The following GFOD1 variants were observed in gnomAD, a reference collection of about 807,000 sequenced individuals.
GFOD1 encodes the protein glucose-fructose oxidoreductase domain-containing protein 1.
Under a neutral mutation model 25.4 loss-of-function variants are expected in GFOD1, and 9 were observed. That is an observed-to-expected ratio of 0.35 (90% confidence interval 0.21 to 0.62). The LOEUF (loss-of-function observed/expected upper bound fraction) is 0.62, where lower values mean the gene tolerates loss of function less well. GFOD1 is among the 20% of genes least tolerant of loss of function. The probability of loss-of-function intolerance (pLI) is 0.72; values close to 1 mark genes in which losing one functional copy is unlikely to be tolerated. For missense variants in GFOD1, 403 were observed against 556.9 expected (o/e 0.72, Z 2.78); for synonymous variants, 253 against 245.6 (o/e 1.03, Z -0.28).
chr6:13,403,946 G>T (rs1785897436), intron 1 of GFOD1, among the ~76,000 whole-genome samples: 1 of 152,176 alleles, frequency 6.6e-6, no homozygotes, highest in Admixed American at 6.5e-5. Context: ...TGATTATGGA[G>T]ATGGTTGTAC....
chr6:13,395,203 T>C (rs1785703711), intron 1 of GFOD1, among the ~76,000 whole-genome samples: 1 of 152,322 alleles, frequency 6.6e-6, no homozygotes, highest in Non-Finnish European at 1.5e-5. Context: ...TTAAAATTTG[T>C]ATTTAAAAAT....
chr6:13,406,342 G>A lies in GFOD1; in HGVS notation c.254-40680C>T, dbSNP rs1584632773. 2.0e-5 allele frequency among the ~76,000 whole-genome samples: 3 copies of A among 152,312 alleles called. No homozygotes were observed. The South Asian group carries it at 6.2e-4, about 32-fold the overall frequency. ...TGTTTGTTTACCACATTACATAAGA[G>A]CTTTCTGTAGCACCCCTCCTCCCCT... is the stretch of plus-strand genomic sequence containing the variant. On this transcript the variant is annotated intron_variant, in intron 1 of 1. Coordinates refer to ENST00000379287, the MANE Select transcript of GFOD1 (RefSeq NM_018988.4).
chr6:13,447,242 T>C (rs1339495247), intron 1 of GFOD1, among the ~76,000 whole-genome samples: 1 of 152,190 alleles, frequency 6.6e-6, no homozygotes, highest in African/African-American at 2.4e-5. Context: ...GCTCCAGGCC[T>C]CTCTCCTATC....
Position 13,409,150 on chromosome 6 carries a change from A to G in GFOD1, c.254-43488T>C, listed in dbSNP as rs1406569964. On this transcript the variant is annotated intron_variant, in intron 1 of 1. Transcript: ENST00000379287. ...GAAAGAAAGAAAGAAAGAAAGAAAG[A>G]GAGGAAAGAAAGAAAGGAAAGAGAG... Among the ~76,000 whole-genome samples the G allele has an allele frequency of 1.3e-4, 2 of 15,612 alleles. 1 individual carries two copies. The highest frequency in any genetic ancestry group is 2.0e-4 in the African/African-American group (2 of 9,800). The allele number at this position is 15,612 out of a possible 152,430, so 10.2% of individuals were successfully genotyped here.
At chr6:13,483,731 C>T (rs1315955541) in intron 1 of GFOD1, among the ~76,000 whole-genome samples, 1 of 152,110 alleles carries the variant, frequency 6.6e-6, no homozygotes, top group Admixed American at 6.5e-5. Flanking sequence ...CTGCCATGAT[C>T]TATGGCAGAG....
intron 1 of GFOD1, among the ~76,000 whole-genome samples, chr6:13,381,560 G>C (rs1400547690): frequency 6.6e-6 from 1 of 152,186 alleles, no homozygotes. Context: ...GGTTCTGCAT[G>C]GACACAGTGC....
Position 13,402,320 on chromosome 6 carries a change from T to C in GFOD1, c.254-36658A>G, listed in dbSNP as rs574868940. 3.3e-5 allele frequency among the ~76,000 whole-genome samples: 5 copies of C among 152,364 alleles called. No individual in the cohort carries two copies. The South Asian group carries it at 1.0e-3, about 32-fold the overall frequency. On this transcript the variant is annotated intron_variant, in intron 1 of 1. Coordinates refer to ENST00000379287, the MANE Select transcript of GFOD1 (RefSeq NM_018988.4). ...TATAATACCAAAAGACAAGTGACTATATATAACATATATAACTTGAACTTC... is the reference window on the plus strand; with the variant it reads ...TATAATACCAAAAGACAAGTGACTACATATAACATATATAACTTGAACTTC...
intron 1 of GFOD1, among the ~76,000 whole-genome samples, chr6:13,448,119 G>A (rs1758036736): frequency 6.6e-6 from 1 of 152,204 alleles, no homozygotes; most frequent in Admixed American, 6.5e-5. Context: ...AGAAAGGAGT[G>A]GAGCAAGCTG....
At chr6:13,447,425 A>G (rs961947908) in intron 1 of GFOD1, among the ~76,000 whole-genome samples, 1 of 152,152 alleles carries the variant, frequency 6.6e-6, no homozygotes, top group Non-Finnish European at 1.5e-5. Context: ...TACCTTTAAG[A>G]TATTAAAATA....
rs368165517 is a variant in GFOD1, at chr6:13,476,630, C to G, written c.253+10008G>C. ...ATTTTTTTAAAAAGTAGTGTTAAAA[C>G]TGCAAACCAACTTCATTGGAGCTTT... is the stretch of plus-strand genomic sequence containing the variant. On this transcript the variant is annotated intron_variant, in intron 1 of 1. Transcript: ENST00000379287. 2.0e-5 allele frequency among the ~76,000 whole-genome samples: 3 copies of G among 152,264 alleles called. No homozygotes were observed. The South Asian group carries it at 6.2e-4, about 32-fold the overall frequency.
At chr6:13,412,991 G>C (rs1202245968) in intron 1 of GFOD1, among the ~76,000 whole-genome samples, 5 of 152,350 alleles carry the variant, frequency 3.3e-5, no homozygotes. Flanking sequence ...GGCAGGTACT[G>C]TATACATGAG....
At chr6:13,484,513 A>C (rs1281306140) in intron 1 of GFOD1, among the ~76,000 whole-genome samples, 1 of 152,218 alleles carries the variant, frequency 6.6e-6, no homozygotes. Flanking sequence ...AAGAAGAAAG[A>C]AGCTCAAAAC....
At chr6:13,457,549 G>A (rs1185450115) in intron 1 of GFOD1, among the ~76,000 whole-genome samples, 1 of 152,172 alleles carries the variant, frequency 6.6e-6, no homozygotes, top group East Asian at 1.9e-4. Context: ...ATGGAGCTGC[G>A]ACTAGAACGT....
intron 1 of GFOD1, among the ~76,000 whole-genome samples, chr6:13,390,458 G>A (rs1177014810): frequency 6.6e-6 from 1 of 152,084 alleles, no homozygotes; most frequent in Non-Finnish European, 1.5e-5. Flanking sequence ...GGGTGCTGTG[G>A]CATGCACCTG....
chr6:13,411,417 G>A (rs559997028), intron 1 of GFOD1, among the ~76,000 whole-genome samples: 3 of 151,950 alleles, frequency 2.0e-5, no homozygotes, highest in East Asian at 3.9e-4. Context: ...TCAGCCTCCC[G>A]AGTAGCTGGG....
At position 13,361,860 on chromosome 6, in the gene GFOD1, G is replaced by A. The variant is rs1033790865; in HGVS notation, c.*2883C>T. The A allele has an allele frequency of 2.0e-5, 3 of 152,034 alleles. No individual in the cohort carries two copies. The highest frequency in any genetic ancestry group is 7.3e-5 in the African/African-American group (3 of 41,378). The allele number at this position is 152,034 out of a possible 1,614,324, so 9.4% of individuals were successfully genotyped here. A position where few individuals can be genotyped will look rare whatever the true frequency, so the allele number is the denominator to read the frequency against. ...TCTTTCTAATACCCCAGCTTCAAATGAGATTTTTTGTTTTAGACATTAAAT... is the reference window on the plus strand; with the variant it reads ...TCTTTCTAATACCCCAGCTTCAAATAAGATTTTTTGTTTTAGACATTAAAT... On this transcript the variant is annotated 3_prime_UTR_variant, in exon 2 of 2. Transcript: ENST00000379287.
At chr6:13,403,090 TTGTG>T (rs577808611) in intron 1 of GFOD1, among the ~76,000 whole-genome samples, 1 of 150,784 alleles carries the variant, frequency 6.6e-6, no homozygotes, top group African/African-American at 2.4e-5. Context: ...TTTTGTTTTG[TTGTG>T]TGTGTGTGTG....
In GFOD1 at chr6:13,362,370, G is replaced by C. The variant is rs972224034; in HGVS notation, c.*2373C>G. 6.6e-6 allele frequency: 1 copy of C among 151,610 alleles called. No individual in the cohort carries two copies. Among genetic ancestry groups the C allele is most frequent in the Admixed American group, 6.6e-5 (1 of 15,168 alleles). The allele number at this position is 151,610 out of a possible 1,614,324, so 9.4% of individuals were successfully genotyped here. A position where few individuals can be genotyped will look rare whatever the true frequency, so the allele number is the denominator to read the frequency against. On this transcript the variant is annotated 3_prime_UTR_variant, in exon 2 of 2. Transcript: ENST00000379287. ...CCTGCTGCTCGGGAGGCTGAGACAG[G>C]AGAATCGCTTGAACCTGGGAGGCAG... is the stretch of plus-strand genomic sequence containing the variant.
chr6:13,432,218 C>A (rs1424533518), intron 1 of GFOD1, among the ~76,000 whole-genome samples: 1 of 149,730 alleles, frequency 6.7e-6, no homozygotes, highest in Non-Finnish European at 1.5e-5. Context: ...AAGTAATATT[C>A]TTTTCTTTTC....
Sources: gnomAD v4.1 joint callset for allele counts (sites outside exome capture counted in the v4.1 genomes callset) on GRCh38, gnomAD v4.1.1 for gene constraint, MANE v1.5 for transcripts, NCBI Gene and HGNC (gene_info 2026-07-23, HGNC 2026-07-21) for gene names.